Variants in PHLDB2 observed in about 807,000 individuals in gnomAD.
PHLDB2 encodes the protein pleckstrin homology-like domain family B member 2.
Under a neutral mutation model 123.6 loss-of-function variants are expected in PHLDB2, and 71 were observed. The observed-to-expected ratio is 0.57, with a 90% CI of 0.47 to 0.70. The LOEUF is 0.70. Among genes scored for constraint, PHLDB2 ranks in the 30% least tolerant of loss-of-function variants. The pLI, the probability that PHLDB2 is intolerant of heterozygous loss-of-function variation, is 0.00. For synonymous variants in PHLDB2, 547 were observed against 541.6 expected (o/e 1.01, Z -0.14); for missense variants, 1,446 against 1,519.5 (o/e 0.95, Z 0.80).
intron 1 of PHLDB2, among the ~76,000 whole-genome samples, chr3:111,861,768 A>C (rs556650166): frequency 6.6e-6 from 1 of 152,310 alleles, no homozygotes; most frequent in South Asian, 2.1e-4. Context: ...TTTATTTACC[A>C]TGTGTGTTTG....
chr3:111,907,942 A>G (rs1445164207), intron 2 of PHLDB2, among the ~76,000 whole-genome samples: 1 of 152,162 alleles, frequency 6.6e-6, no homozygotes, highest in Non-Finnish European at 1.5e-5. Flanking sequence ...GAATACAGGC[A>G]TGAGCCACCA....
intron 12 of PHLDB2, chr3:111,961,806 T>C (rs1161015212): frequency 2.9e-6 from 1 of 340,426 alleles, no homozygotes; most frequent in Non-Finnish European, 5.3e-6. Flanking sequence ...CCTTTGATTG[T>C]GTTTCTGTTT....
chr3:111,964,614 T>A (rs1180733184), intron 13 of PHLDB2, among the ~76,000 whole-genome samples: 1 of 152,110 alleles, frequency 6.6e-6, no homozygotes, highest in Non-Finnish European at 1.5e-5. Context: ...AGTGCTGGGA[T>A]TACAGGCGTG....
intron 1 of PHLDB2, among the ~76,000 whole-genome samples, chr3:111,880,154 G>A (rs2065866025): frequency 6.6e-6 from 1 of 151,986 alleles, no homozygotes; most frequent in South Asian, 2.1e-4. Flanking sequence ...CTATAACAAT[G>A]ATGGTGTTGT....
At chr3:111,743,312 G>C (rs2059633683) in intron 1 of PHLDB2, among the ~76,000 whole-genome samples, 1 of 152,118 alleles carries the variant, frequency 6.6e-6, no homozygotes. Context: ...TTCAAACTTT[G>C]CCCTGAATCA....
chr3:111,902,563 A>T (rs1184054334), intron 2 of PHLDB2, among the ~76,000 whole-genome samples: 2 of 152,378 alleles, frequency 1.3e-5, no homozygotes, highest in African/African-American at 4.8e-5. Context: ...AAACAGGCAC[A>T]TAGCCAGAAA....
chr3:111,886,476 C>T (rs1021114583), intron 2 of PHLDB2, among the ~76,000 whole-genome samples: 4 of 150,418 alleles, frequency 2.7e-5, no homozygotes, highest in Non-Finnish European at 4.4e-5. Flanking sequence ...CATCAGCTAT[C>T]GTTAGTGTAT....
At chr3:111,832,518 A>G (rs2063097564) in intron 1 of PHLDB2, among the ~76,000 whole-genome samples, 1 of 149,896 alleles carries the variant, frequency 6.7e-6, no homozygotes, top group African/African-American at 2.4e-5. Flanking sequence ...TTATTTTCCG[A>G]CACTTAGGCT....
intron 1 of PHLDB2, among the ~76,000 whole-genome samples, chr3:111,834,208 T>A (rs1209738071): frequency 1.3e-4 from 6 of 46,676 alleles, no homozygotes; most frequent in Admixed American, 2.9e-4. Flanking sequence ...GAATTATATA[T>A]GTAATAGAAT....
At chr3:111,790,906 T>G (rs2060890844) in intron 1 of PHLDB2, among the ~76,000 whole-genome samples, 1 of 152,192 alleles carries the variant, frequency 6.6e-6, no homozygotes, top group Non-Finnish European at 1.5e-5. Flanking sequence ...ATCCTCCTAG[T>G]CTCTTTTTAA....
At chr3:111,904,298 G>A (rs974232611) in intron 2 of PHLDB2, among the ~76,000 whole-genome samples, 2 of 67,054 alleles carry the variant, frequency 3.0e-5, no homozygotes, top group Non-Finnish European at 6.6e-5. Flanking sequence ...AAGGCCAAGG[G>A]TTCTGTGGAG....
chr3:111,817,417 T>A (rs6808720), intron 1 of PHLDB2, among the ~76,000 whole-genome samples: 25,523 of 152,144 alleles, frequency 0.17, 3,009 homozygotes, highest in East Asian at 0.32. Context: ...ACCAGCTGAC[T>A]TAAAGGTATA....
intron 1 of PHLDB2, among the ~76,000 whole-genome samples, chr3:111,811,335 A>G (rs1210825629): frequency 6.6e-6 from 1 of 152,124 alleles, no homozygotes; most frequent in Non-Finnish European, 1.5e-5. Context: ...AATCATTTTA[A>G]AAAATGTATT....
chr3:111,920,545 C>A, intron 5 of PHLDB2, 126 bp downstream of exon 5: 2 of 1,189,294 alleles, frequency 1.7e-6, no homozygotes, highest in Non-Finnish European at 2.3e-6. Flanking sequence ...GAGGCAGTGG[C>A]ACTAGAGAAA....
intron 1 of PHLDB2, among the ~76,000 whole-genome samples, chr3:111,795,984 C>A (rs1051911787): frequency 6.6e-6 from 1 of 152,176 alleles, no homozygotes; most frequent in Non-Finnish European, 1.5e-5. Context: ...GCAACCTCCG[C>A]CCTCTGAGTT....
rs1287774310 is a variant in PHLDB2, at chr3:111,919,058, T to C, written c.1720-14T>C. ...GAGGTGTGAATAATCCATTTCTGTGTTGATTAATCGCAGACCCCAGAGGGT... is the reference window on the plus strand; with the variant it reads ...GAGGTGTGAATAATCCATTTCTGTGCTGATTAATCGCAGACCCCAGAGGGT... On this transcript the variant is annotated splice_polypyrimidine_tract_variant and intron_variant, in intron 3 of 17. Transcript: ENST00000431670. 1 of 1,612,974 alleles carries C rather than the reference T, an allele frequency of 6.2e-7. No individual in the cohort carries two copies. The highest frequency in any genetic ancestry group is 8.5e-7 in the Non-Finnish European group (1 of 1,179,078).
chr3:111,962,298 A>T lies in PHLDB2; in HGVS notation c.3063A>T (p.Pro1021=), dbSNP rs712520. The T allele has an allele frequency of 0.018, 28,582 of 1,589,174 alleles. 3,786 individuals carry two copies. The African/African-American group carries it at 0.31, about 17-fold the overall frequency. Residue 1021 remains proline, a synonymous_variant, in exon 13 of 18, where the codon CCA becomes CCT. Coordinates refer to ENST00000431670, the MANE Select transcript of PHLDB2 (RefSeq NM_001134438.2). ...AGACCAGCATCTCTGCTTGCTCACC[A>T]GACAACATCTCTAGGTAAGATTTAT... The part of the protein sequence containing the change: ...SMETSISACS[P]DNISSASTSN...
chr3:111,901,173 C>T (rs1437905244), intron 2 of PHLDB2, among the ~76,000 whole-genome samples: 1 of 151,756 alleles, frequency 6.6e-6, no homozygotes, highest in Non-Finnish European at 1.5e-5. Context: ...TCCTGGCTAA[C>T]ACGGTGAAAC....
chr3:111,976,270 C>T lies in PHLDB2; in HGVS notation c.*1707C>T, dbSNP rs2072475551. ...ATGATTTCACATTTGAAAATAAACT[C>T]ATCTCTTATTTTGAAGTTACCTATC... On this transcript the variant is annotated 3_prime_UTR_variant, in exon 18 of 18. Coordinates refer to ENST00000431670, the MANE Select transcript of PHLDB2 (RefSeq NM_001134438.2). 6.6e-6 allele frequency: 1 copy of T among 152,134 alleles called. No individual in the cohort carries two copies. Among genetic ancestry groups the T allele is most frequent in the East Asian group, 1.9e-4 (1 of 5,200 alleles). 9.4% of individuals were successfully genotyped at this position (152,134 alleles called of 1,614,324 possible).
Sources: gnomAD v4.1 joint callset for allele counts (sites outside exome capture counted in the v4.1 genomes callset) on GRCh38, gnomAD v4.1.1 for gene constraint, MANE v1.5 for transcripts, NCBI Gene and HGNC (gene_info 2026-07-23, HGNC 2026-07-21) for gene names.